Variants in NEK4 observed in about 807,000 individuals in gnomAD.
The protein encoded by NEK4 is serine/threonine-protein kinase Nek4.
NEK4 carries 86 observed loss-of-function variants against 98.4 expected under a neutral mutation model. The observed-to-expected ratio is 0.87, with a 90% CI of 0.73 to 1.05. The LOEUF is 1.05. Among genes scored for constraint, NEK4 ranks in the 50% least tolerant of loss-of-function variants. The pLI, the probability that NEK4 is intolerant of heterozygous loss-of-function variation, is 0.00. For synonymous variants in NEK4, 328 were observed against 342.2 expected, an observed-to-expected ratio of 0.96 and a Z score of 0.46; for missense variants, 898 against 950.3, an observed-to-expected ratio of 0.94 and a Z score of 0.72.
intron 15 of NEK4, among the ~76,000 whole-genome samples, chr3:52,724,964 AT>A (rs2097363182): frequency 6.6e-6 from 1 of 152,236 alleles, no homozygotes; most frequent in African/African-American, 2.4e-5. Context: ...ACAATAAAAA[AT>A]ATATTTGTAA....
At chr3:52,748,060 C>T (rs536227667) in intron 8 of NEK4, among the ~76,000 whole-genome samples, 99 of 151,992 alleles carry the variant, frequency 6.5e-4, no homozygotes, top group African/African-American at 2.3e-3. Context: ...CCTGGGTTCA[C>T]GCCATTCTCC....
chr3:52,764,898 G>C (rs192144918), intron 4 of NEK4, among the ~76,000 whole-genome samples: 19 of 152,264 alleles, frequency 1.2e-4, no homozygotes, highest in African/African-American at 4.1e-4. Context: ...GGAATAGAAA[G>C]AGAAGAGAAT....
intron 6 of NEK4, among the ~76,000 whole-genome samples, chr3:52,756,367 C>T (rs2097415122): frequency 6.6e-6 from 1 of 152,090 alleles, no homozygotes; most frequent in South Asian, 2.1e-4. Context: ...ACCACATTAT[C>T]AAAACAGTGT....
chr3:52,722,010 T>C (rs2097360509), intron 15 of NEK4, among the ~76,000 whole-genome samples: 1 of 152,202 alleles, frequency 6.6e-6, no homozygotes, highest in Non-Finnish European at 1.5e-5. Context: ...TGGGAACTTC[T>C]GTTCCTCTTT....
At chr3:52,753,163 G>C (rs1426529308) in intron 6 of NEK4, among the ~76,000 whole-genome samples, 1 of 151,904 alleles carries the variant, frequency 6.6e-6, no homozygotes, top group African/African-American at 2.4e-5. Flanking sequence ...AATTAGCTGG[G>C]CATGGTGGCA....
rs1426247210 is a variant in NEK4, at chr3:52,711,882, CAAAAAG to C, written c.2434-19_2434-14del. 6 of 1,522,106 alleles carry C rather than the reference CAAAAAG, an allele frequency of 3.9e-6. No homozygotes were observed. Among genetic ancestry groups the C allele is most frequent in the African/African-American group, 1.4e-5 (1 of 72,672 alleles). 94.3% of individuals were successfully genotyped at this position (1,522,106 alleles called of 1,614,324 possible). On this transcript the variant is annotated splice_polypyrimidine_tract_variant and intron_variant, in intron 15 of 15. Transcript: ENST00000233027. ...CCCGCAAACGTACCTATTTGAGAAA[CAAAAAG>C]AAAATCAATCAGTATGTAGTAGGAA...
chr3:52,762,335 A>T (rs1458731028), intron 5 of NEK4, among the ~76,000 whole-genome samples: 3 of 152,186 alleles, frequency 2.0e-5, no homozygotes, highest in Non-Finnish European at 4.4e-5. Flanking sequence ...ATAATCTCTA[A>T]TTATATGATT....
chr3:52,724,232 A>AACACAAACAC (rs1553914986), intron 15 of NEK4, among the ~76,000 whole-genome samples: 12 of 145,202 alleles, frequency 8.3e-5, no homozygotes, highest in African/African-American at 3.1e-4. Context: ...TTTGTCTTAA[A>AACACAAACAC]ACACACACAC....
intron 6 of NEK4, among the ~76,000 whole-genome samples, chr3:52,752,929 T>TACACACACACAC (rs1215610708): frequency 2.1e-3 from 106 of 49,722 alleles, no homozygotes; most frequent in South Asian, 0.011. Context: ...TATATATATA[T>TACACACACACAC]ATATACACAC....
At position 52,770,847 on chromosome 3, in the gene NEK4, G is replaced by A. The variant is rs1472552307; in HGVS notation, c.-101C>T. ...TTCATGCCCGAGAGGGGGCAGTGGG[G>A]GCGGCTGTTGAGGCAGCCGGGCCCG... On this transcript the variant is annotated 5_prime_UTR_variant, in exon 1 of 16. Coordinates refer to ENST00000233027, the MANE Select transcript of NEK4 (RefSeq NM_003157.6). The A allele has an allele frequency of 9.3e-7, 1 of 1,074,760 alleles. No homozygotes were observed. The highest frequency in any genetic ancestry group is 1.4e-6 in the Non-Finnish European group (1 of 730,740). 66.6% of individuals were successfully genotyped at this position (1,074,760 alleles called of 1,614,324 possible). A position where few individuals can be genotyped will look rare whatever the true frequency, so the allele number is the denominator to read the frequency against.
At chr3:52,763,359 TTTC>T in intron 5 of NEK4, 108 bp downstream of exon 5, 6 of 1,144,906 alleles carry the variant, frequency 5.2e-6, no homozygotes, top group African/African-American at 4.7e-5. Flanking sequence ...TGCCATTTTA[TTTC>T]TTGTTTTTAA....
chr3:52,714,547 T>G (rs1260116402), intron 15 of NEK4, among the ~76,000 whole-genome samples: 1 of 152,120 alleles, frequency 6.6e-6, no homozygotes, highest in African/African-American at 2.4e-5. Context: ...GACACCTGCT[T>G]CAGCTGTGGG....
chr3:52,727,953 C>T (rs1373471090), intron 15 of NEK4, among the ~76,000 whole-genome samples: 1 of 152,160 alleles, frequency 6.6e-6, no homozygotes, highest in African/African-American at 2.4e-5. Flanking sequence ...AGATCTTGGG[C>T]TGGGCACAAT....
chr3:52,754,398 C>A, intron 6 of NEK4: 1 of 478,096 alleles, frequency 2.1e-6, no homozygotes, highest in South Asian at 1.8e-5. Context: ...ACAAAAAGCC[C>A]CCTAAACCCA....
chr3:52,770,850 G>A lies in NEK4; in HGVS notation c.-104C>T. On this transcript the variant is annotated 5_prime_UTR_variant, in exon 1 of 16. Coordinates refer to ENST00000233027, the MANE Select transcript of NEK4 (RefSeq NM_003157.6). ...ATGCCCGAGAGGGGGCAGTGGGGGC[G>A]GCTGTTGAGGCAGCCGGGCCCGGGC... The A allele has an allele frequency of 1.0e-6, 1 of 997,042 alleles. No individual in the cohort carries two copies. Among genetic ancestry groups the A allele is most frequent in the Non-Finnish European group, 1.5e-6 (1 of 661,962 alleles). 61.8% of individuals were successfully genotyped at this position (997,042 alleles called of 1,614,324 possible). A position where few individuals can be genotyped will look rare whatever the true frequency, so the allele number is the denominator to read the frequency against.
chr3:52,725,760 C>CA (rs1178157815), intron 15 of NEK4, among the ~76,000 whole-genome samples: 2 of 149,430 alleles, frequency 1.3e-5, no homozygotes, highest in Non-Finnish European at 3.0e-5. Context: ...TTTTTCACTA[C>CA]AAAAAAAATC....
At chr3:52,738,043 G>C (rs2097379290) in intron 14 of NEK4, among the ~76,000 whole-genome samples, 1 of 151,876 alleles carries the variant, frequency 6.6e-6, no homozygotes, top group Admixed American at 6.6e-5. Context: ...TTGATCTCCT[G>C]ACCTCGTGAC....
intron 6 of NEK4, among the ~76,000 whole-genome samples, chr3:52,759,030 G>A (rs1040724763): frequency 1.3e-5 from 2 of 150,160 alleles, no homozygotes; most frequent in Admixed American, 1.3e-4. Context: ...TTCAGAGGCT[G>A]TAGTGAGCTA....
intron 2 of NEK4, among the ~76,000 whole-genome samples, chr3:52,767,613 G>A (rs1698618827): frequency 6.6e-6 from 1 of 152,010 alleles, no homozygotes; most frequent in South Asian, 2.1e-4. Context: ...AGCTACTTGG[G>A]AGGCTGAGGC....
Sources: allele counts gnomAD v4.1 joint callset (sites outside exome capture counted in the v4.1 genomes callset), GRCh38; gene constraint gnomAD v4.1.1; transcripts MANE v1.5; gene names NCBI Gene and HGNC (gene_info 2026-07-23, HGNC 2026-07-21).